The following TMEM74 variants were observed in gnomAD, a reference collection of about 807,000 sequenced individuals.
TMEM74 encodes transmembrane protein 74.
In TMEM74, 13 loss-of-function variants were observed where a neutral mutation model predicts 18.1. The observed-to-expected ratio is 0.72, with a 90% CI of 0.47 to 1.14. TMEM74 has a LOEUF of 1.14. Ranked by LOEUF, TMEM74 falls within the 50% of genes most tolerant of loss-of-function variation. The pLI is 0.00. For synonymous variants in TMEM74, 159 were observed against 146.6 expected (o/e 1.08, Z -0.61); for missense variants, 372 against 375.9 (o/e 0.99, Z 0.09).
At chr8:108,674,771 T>A (rs985944441) in intron 1 of TMEM74, among the ~76,000 whole-genome samples, 1 of 152,190 alleles carries the variant, frequency 6.6e-6, no homozygotes, top group Non-Finnish European at 1.5e-5. Context: ...ACCACTCACA[T>A]TGTCCTCTAT....
At chr8:108,708,809 CAAAAAAA>C (rs71564016) in intron 1 of TMEM74, among the ~76,000 whole-genome samples, 355 of 17,974 alleles carry the variant, frequency 0.02, 5 homozygotes, top group South Asian at 0.038. Flanking sequence ...AACTCAATAG[CAAAAAAA>C]AAAAAAAAAA....
At chr8:108,621,427 C>T (rs1053975658) in intron 2 of TMEM74, among the ~76,000 whole-genome samples, 1 of 152,158 alleles carries the variant, frequency 6.6e-6, no homozygotes, top group Non-Finnish European at 1.5e-5. Flanking sequence ...TCTTCCAGGT[C>T]CCCCTCCCTG....
In TMEM74 at chr8:108,710,197, C is replaced by T. The variant is rs138817820; in HGVS notation, n.120-54760G>A. On this transcript the variant is annotated intron_variant and non_coding_transcript_variant, in intron 1 of 3. Transcript: ENST00000518838. ...TCTAATTATGTTTTAGTAAAGGATG[C>T]GTTTAGTATATTCTTACATGTTTTT... is the stretch of plus-strand genomic sequence containing the variant. Among the ~76,000 whole-genome samples the T allele has an allele frequency of 4.1e-3, 628 of 152,298 alleles. 5 individuals carry two copies. The highest frequency in any genetic ancestry group is 0.015 in the African/African-American group (603 of 41,566).
downstream of TMEM74, among the ~76,000 whole-genome samples, chr8:108,777,922 T>C (rs1814251037): frequency 1.3e-5 from 2 of 152,198 alleles, no homozygotes; most frequent in South Asian, 4.1e-4. Context: ...CTTAATCTCC[T>C]TTTTTATGAT....
chr8:108,674,618 G>A (rs77881831), intron 1 of TMEM74, among the ~76,000 whole-genome samples: 4,471 of 152,254 alleles, frequency 0.029, 120 homozygotes, highest in African/African-American at 0.066. Context: ...AGGCCTTGTC[G>A]GTAGATTATA....
At chr8:108,701,191 A>G (rs897641819) in intron 1 of TMEM74, among the ~76,000 whole-genome samples, 2 of 135,534 alleles carry the variant, frequency 1.5e-5, no homozygotes, top group African/African-American at 5.8e-5. Flanking sequence ...ACACCCATTC[A>G]TGACTTAAAA....
At chr8:108,648,994 A>G (rs1183392500) in intron 2 of TMEM74, among the ~76,000 whole-genome samples, 1 of 152,182 alleles carries the variant, frequency 6.6e-6, no homozygotes, top group Non-Finnish European at 1.5e-5. Flanking sequence ...AAAAATAGTC[A>G]TTTTCTAACT....
At chr8:108,717,476 A>G (rs1461002507) in intron 1 of TMEM74, among the ~76,000 whole-genome samples, 1 of 152,212 alleles carries the variant, frequency 6.6e-6, no homozygotes, top group East Asian at 1.9e-4. Flanking sequence ...ATCTCTGTTC[A>G]CATGGAGTTG....
chr8:108,645,136 A>G (rs1341529759), intron 2 of TMEM74, among the ~76,000 whole-genome samples: 1 of 152,154 alleles, frequency 6.6e-6, no homozygotes. Flanking sequence ...GGATAAAAAA[A>G]TGTGGTGCAT....
intron 2 of TMEM74, among the ~76,000 whole-genome samples, chr8:108,616,638 G>A (rs1054304934): frequency 6.6e-6 from 1 of 151,958 alleles, no homozygotes; most frequent in Admixed American, 6.6e-5. Flanking sequence ...GATCTTTACC[G>A]TACAGTGATT....
intron 1 of TMEM74, among the ~76,000 whole-genome samples, chr8:108,676,221 T>G (rs972932157): frequency 1.2e-4 from 19 of 152,200 alleles, no homozygotes; most frequent in Non-Finnish European, 2.5e-4. Context: ...GGGTCACTTC[T>G]GGGGACTTTA....
At chr8:108,736,261 G>T (rs1257566361) in intron 1 of TMEM74, among the ~76,000 whole-genome samples, 1 of 152,032 alleles carries the variant, frequency 6.6e-6, no homozygotes, top group Non-Finnish European at 1.5e-5. Context: ...AGGTCTACTT[G>T]TTATAGAAAT....
At chr8:108,617,289 G>A (rs1472860075) in intron 2 of TMEM74, among the ~76,000 whole-genome samples, 2 of 152,040 alleles carry the variant, frequency 1.3e-5, no homozygotes, top group East Asian at 1.9e-4. Context: ...TTAATTTGGA[G>A]CATAAGTAGT....
rs146404123 is a variant in TMEM74 at position 108,649,736 on chromosome 8, G to A, written n.264+5557C>T. Reference sequence around the variant, plus strand: ...TTATCTCCCTGAAAACCCTAAGTTTGTGGTAGTTTTAGTTGGTAGTTACAC... The same window carrying A: ...TTATCTCCCTGAAAACCCTAAGTTTATGGTAGTTTTAGTTGGTAGTTACAC... On this transcript the variant is annotated intron_variant and non_coding_transcript_variant, in intron 2 of 3. Transcript: ENST00000518838. Among the ~76,000 whole-genome samples, 83 of 152,226 alleles carry A rather than the reference G, an allele frequency of 5.5e-4. 1 individual carries two copies. In the East Asian group the frequency reaches 0.015, roughly 27 times the overall value.
At chr8:108,665,982 T>C (rs2130585430) in intron 1 of TMEM74, among the ~76,000 whole-genome samples, 1 of 152,310 alleles carries the variant, frequency 6.6e-6, no homozygotes, top group Middle Eastern at 3.4e-3. Flanking sequence ...TTTGATTTAC[T>C]TACATTGCCA....
At chr8:108,753,737 A>G (rs138709174) in intron 1 of TMEM74, among the ~76,000 whole-genome samples, 324 of 151,804 alleles carry the variant, frequency 2.1e-3, no homozygotes, top group African/African-American at 7.6e-3. Context: ...AGACATGTCT[A>G]CTCTGTTTTG....
At chr8:108,749,531 C>T (rs1813884240) in intron 1 of TMEM74, among the ~76,000 whole-genome samples, 1 of 152,166 alleles carries the variant, frequency 6.6e-6, no homozygotes, top group Non-Finnish European at 1.5e-5. Flanking sequence ...AGTTGCCTAT[C>T]AGCTTAAGAA....
chr8:108,783,897 T>C lies in TMEM74; in HGVS notation c.*284A>G, dbSNP rs1304497180. Reference sequence around the variant, plus strand: ...AAGAAATAATTTGTAGACTGGGTCATTAGAAATATTTTTCTATCGAAGTAG... The same window carrying C: ...AAGAAATAATTTGTAGACTGGGTCACTAGAAATATTTTTCTATCGAAGTAG... On this transcript the variant is annotated 3_prime_UTR_variant, in exon 2 of 2. Coordinates refer to ENST00000297459, the MANE Select transcript of TMEM74 (RefSeq NM_153015.3). The C allele has an allele frequency of 4.1e-6, 1 of 246,820 alleles. No individual in the cohort carries two copies. 15.3% of individuals were successfully genotyped at this position (246,820 alleles called of 1,614,324 possible). A position where few individuals can be genotyped will look rare whatever the true frequency, so the allele number is the denominator to read the frequency against.
At chr8:108,621,948 C>G (rs2130543793) in intron 2 of TMEM74, among the ~76,000 whole-genome samples, 1 of 152,174 alleles carries the variant, frequency 6.6e-6, no homozygotes, top group Admixed American at 6.5e-5. Context: ...TGCATATTGC[C>G]TTTTAAAATT....
Sources: gnomAD v4.1 joint callset for allele counts (sites outside exome capture counted in the v4.1 genomes callset) on GRCh38, gnomAD v4.1.1 for gene constraint, MANE v1.5 for transcripts, NCBI Gene and HGNC (gene_info 2026-07-23, HGNC 2026-07-21) for gene names.